ANKRD11: variants seen among roughly 807,000 people sequenced by gnomAD.
ANKRD11 encodes ankyrin repeat domain 11, also known as ankyrin repeat domain-containing protein 11.
Under a neutral mutation model 195.7 loss-of-function variants are expected in ANKRD11, and 17 were observed. The observed-to-expected ratio is 0.09, with a 90% confidence interval of 0.06 to 0.13. The LOEUF is 0.13. Among genes scored for constraint, ANKRD11 ranks in the 10% least tolerant of loss-of-function variants. The pLI is 1.00. For synonymous variants in ANKRD11, 1,953 were observed against 1,528.1 expected (o/e 1.28, Z -6.49); for missense variants, 3,735 against 3,566.1 (o/e 1.05, Z -1.21).
At position 89,307,946 on chromosome 16, in the gene ANKRD11, T is replaced by C. The variant is rs113637552; in HGVS notation, c.88-2602A>G. On this transcript the variant is annotated intron_variant, in intron 3 of 12. Coordinates refer to ENST00000301030, the MANE Select transcript of ANKRD11 (RefSeq NM_013275.6). The stretch of plus-strand genomic sequence containing the variant: ...AAACATGTGAAGGTTCTACCAAACA[T>C]GTGAAGAGGCCACCATCACCTTCAT... 7.9e-3 allele frequency among the ~76,000 whole-genome samples: 1,196 copies of C among 151,734 alleles called. 12 individuals are homozygous for C. The highest frequency in any genetic ancestry group is 0.027 in the African/African-American group (1,120 of 41,466).
At chr16:89,377,225 G>A (rs1429754253) in intron 2 of ANKRD11, among the ~76,000 whole-genome samples, 1 of 152,126 alleles carries the variant, frequency 6.6e-6, no homozygotes, top group African/African-American at 2.4e-5. Flanking sequence ...GGACCTGTAA[G>A]GCTCATTACA....
chr16:89,393,548 C>G (rs978754036), intron 2 of ANKRD11, among the ~76,000 whole-genome samples: 1 of 150,568 alleles, frequency 6.6e-6, no homozygotes, highest in African/African-American at 2.5e-5. Flanking sequence ...ACCATGTTGC[C>G]CAGGCTGGTC....
rs112221236 is a variant in ANKRD11 at position 89,353,350 on chromosome 16, A to AAGAG, written c.-59-36276_-59-36273dup. On this transcript the variant is annotated intron_variant, in intron 2 of 12. Transcript: ENST00000301030. ...GAGTGAGACTCCAACTCCAAAAAAA[A>AAGAG]AGAGAGAGAGAGAGAGAGAGAGAAA... 4.1e-3 allele frequency among the ~76,000 whole-genome samples: 614 copies of AAGAG among 149,552 alleles called. 1 individual carries two copies. The highest frequency in any genetic ancestry group is 0.011 in the African/African-American group (431 of 40,548).
intron 2 of ANKRD11, among the ~76,000 whole-genome samples, chr16:89,332,279 C>G (rs1054123854): frequency 8.5e-5 from 13 of 152,162 alleles, no homozygotes; most frequent in African/African-American, 3.1e-4. Flanking sequence ...AAACTAAAAA[C>G]CCAACTCATG....
chr16:89,323,776 G>C lies in ANKRD11; in HGVS notation c.-59-6698C>G, dbSNP rs547009842. The C allele has an allele frequency of 4.2e-3, 1,055 of 252,692 alleles. 23 individuals are homozygous for C. The highest frequency in any genetic ancestry group is 0.037 in the South Asian group (865 of 23,492). The allele number at this position is 252,692 out of a possible 1,614,324, so 15.7% of individuals were successfully genotyped here. A position where few individuals can be genotyped will look rare whatever the true frequency, so the allele number is the denominator to read the frequency against. On this transcript the variant is annotated intron_variant, in intron 2 of 12. Coordinates refer to ENST00000301030, the MANE Select transcript of ANKRD11 (RefSeq NM_013275.6). ...CTCCTTCCTCCTCAGGGCCGCACCA[G>C]CTCTCTCTCCTTCCCCTCCTCAGGG... is the stretch of plus-strand genomic sequence containing the variant.
At position 89,322,161 on chromosome 16, in the gene ANKRD11, C is replaced by G. The variant is rs547042320; in HGVS notation, c.-59-5083G>C. On this transcript the variant is annotated intron_variant, in intron 2 of 12. Transcript: ENST00000301030. ...TTCAACTGCACAGGAGGCTGGCGCC[C>G]CCAACCCCTGTATTGTTCAAGGGTT... 1.4e-3 allele frequency among the ~76,000 whole-genome samples: 206 copies of G among 152,292 alleles called. 1 individual carries two copies. The highest frequency in any genetic ancestry group is 2.1e-3 in the Admixed American group (32 of 15,292).
chr16:89,416,021 T>C (rs1348163028), intron 2 of ANKRD11, among the ~76,000 whole-genome samples: 2 of 151,782 alleles, frequency 1.3e-5, no homozygotes, highest in Non-Finnish European at 2.9e-5. Flanking sequence ...AGGGCCTTCC[T>C]CGTATTCAAT....
At chr16:89,298,716 G>A (rs2035613721) in intron 4 of ANKRD11, among the ~76,000 whole-genome samples, 1 of 152,182 alleles carries the variant, frequency 6.6e-6, no homozygotes, top group Non-Finnish European at 1.5e-5. Context: ...GGGTGTCAGG[G>A]AAGCCTTTGC....
chr16:89,275,066 C>G, intron 10 of ANKRD11, 27 bp downstream of exon 10: 1 of 1,612,054 alleles, frequency 6.2e-7, no homozygotes, highest in Non-Finnish European at 8.5e-7. Context: ...GGCCGTGGCG[C>G]CCCCCTGCCT....
Position 89,283,603 on chromosome 16 carries a change from C to T in ANKRD11, c.2939G>A (p.Gly980Asp), listed in dbSNP as rs1228843336. 1 of 1,610,070 alleles carries T rather than the reference C, an allele frequency of 6.2e-7. No individual in the cohort carries two copies. The highest frequency in any genetic ancestry group is 8.5e-7 in the Non-Finnish European group (1 of 1,179,958). Residue 980 changes from glycine (G) to aspartate (D), a missense_variant, in exon 9 of 13, where the codon GGC becomes GAC. Coordinates refer to ENST00000301030, the MANE Select transcript of ANKRD11 (RefSeq NM_013275.6). This position sits in a 1 kb window ranked among gnomAD's most constrained non-coding sequence, Gnocchi z 4.3. Reference sequence around the variant, plus strand: ...CTTGTCCTTGAAGCCACTCTCGCAGCCACACTCCTTCAGCTCCTCCCGGTG... The same window carrying T: ...CTTGTCCTTGAAGCCACTCTCGCAGTCACACTCCTTCAGCTCCTCCCGGTG... ...EAHREELKECGCESGFKDKSD... is the reference protein window; with the variant it reads ...EAHREELKECDCESGFKDKSD...
At chr16:89,454,335 G>T (rs2056330675) in intron 1 of ANKRD11, among the ~76,000 whole-genome samples, 2 of 152,134 alleles carry the variant, frequency 1.3e-5, no homozygotes, top group African/African-American at 4.8e-5. Context: ...CCCACAGCAA[G>T]GATCCGACCC....
Position 89,268,133 on chromosome 16 carries a change from T to TG in ANKRD11, c.*344dup, listed in dbSNP as rs1443674502. 6.4e-6 allele frequency: 1 copy of TG among 157,444 alleles called. No homozygotes were observed. The highest frequency in any genetic ancestry group is 1.5e-4 in the East Asian group (1 of 6,800). The allele number at this position is 157,444 out of a possible 1,614,324, so 9.8% of individuals were successfully genotyped here. The stretch of plus-strand genomic sequence containing the variant: ...AAAATGTACTCCGTTCTCCAACTCC[T>TG]GAAATGCCTCTGCAGTTGCTGGAGA... On this transcript the variant is annotated 3_prime_UTR_variant, in exon 13 of 13. Transcript: ENST00000301030.
At chr16:89,361,519 TTTC>T (rs2039731519) in intron 2 of ANKRD11, 1 of 152,250 alleles carries the variant, frequency 6.6e-6, no homozygotes, top group Non-Finnish European at 1.5e-5. Context: ...TAACAAGTGT[TTTC>T]TTCTTTGGTT....
At chr16:89,308,570 C>T (rs1192337696) in intron 3 of ANKRD11, among the ~76,000 whole-genome samples, 1 of 152,192 alleles carries the variant, frequency 6.6e-6, no homozygotes, top group African/African-American at 2.4e-5. Context: ...CACCAGCACC[C>T]CCACCAGGAC....
chr16:89,414,401 G>C (rs1008387243), intron 2 of ANKRD11, among the ~76,000 whole-genome samples: 1 of 152,188 alleles, frequency 6.6e-6, no homozygotes, highest in Non-Finnish European at 1.5e-5. Context: ...TGGGAACCGC[G>C]TGCTGGGGTC....
At chr16:89,382,297 C>G (rs562667096) in intron 2 of ANKRD11, among the ~76,000 whole-genome samples, 6 of 151,728 alleles carry the variant, frequency 4.0e-5, no homozygotes, top group African/African-American at 1.2e-4. Context: ...TTAAACTAGA[C>G]AGCCAGGCAC....
intron 1 of ANKRD11, among the ~76,000 whole-genome samples, chr16:89,446,242 A>G (rs2043786279): frequency 6.6e-6 from 1 of 152,170 alleles, no homozygotes; most frequent in Non-Finnish European, 1.5e-5. Context: ...AGAACAAGAA[A>G]ACAGCTTCTA....
intron 1 of ANKRD11, among the ~76,000 whole-genome samples, chr16:89,432,836 TAGAATCACTTGAGTCTCTACTCAGG>T (rs1567798044): frequency 3.3e-5 from 5 of 151,930 alleles, no homozygotes; most frequent in African/African-American, 9.7e-5. Context: ...AGCTACTCAG[TAGAATCACTTGAGTCTCTACTCAGG>T]AGAATCACTT....
intron 4 of ANKRD11, chr16:89,299,534 C>T (rs1449214679): frequency 1.2e-5 from 2 of 161,052 alleles, no homozygotes; most frequent in Admixed American, 8.7e-5. Flanking sequence ...GTGTGGGGTG[C>T]TTGGGGTCTG....
Sources: gnomAD v4.1 joint callset for allele counts (sites outside exome capture counted in the v4.1 genomes callset) on GRCh38, gnomAD v4.1.1 for gene constraint, Gnocchi (gnomAD v3.1) non-coding constraint, MANE v1.5 for transcripts, NCBI Gene and HGNC (gene_info 2026-07-23, HGNC 2026-07-21) for gene names.